The following PCDH7 variants were observed in gnomAD, a reference collection of about 807,000 sequenced individuals.
PCDH7 encodes the protein protocadherin 7.
A neutral mutation model predicts 58.9 loss-of-function variants in PCDH7; 17 were observed. The observed-to-expected ratio is 0.29, with a 90% CI of 0.20 to 0.43. The LOEUF (loss-of-function observed/expected upper bound fraction) is 0.43. Among genes scored for constraint, PCDH7 ranks in the 20% least tolerant of loss-of-function variants. The pLI, the probability that PCDH7 is intolerant of heterozygous loss-of-function variation, is 1.00. For synonymous variants in PCDH7, 664 were observed against 616.4 expected, an observed-to-expected ratio of 1.08 and a Z score of -1.14; for missense variants, 1,274 against 1,441.0, an observed-to-expected ratio of 0.88 and a Z score of 1.88.
At chr4:30,766,928 A>C (rs1284673697) in intron 1 of PCDH7, among the ~76,000 whole-genome samples, 3 of 152,202 alleles carry the variant, frequency 2.0e-5, no homozygotes, top group Non-Finnish European at 2.9e-5. Flanking sequence ...CCATCAAAAA[A>C]TTTTAAAAGA....
chr4:30,841,159 A>G (rs1351054997), intron 1 of PCDH7, among the ~76,000 whole-genome samples: 1 of 152,146 alleles, frequency 6.6e-6, no homozygotes, highest in African/African-American at 2.4e-5. Context: ...AATTGAAGAA[A>G]GAAACCTTCA....
chr4:31,138,352 G>A (rs983982230), intron 3 of PCDH7, among the ~76,000 whole-genome samples: 5 of 152,102 alleles, frequency 3.3e-5, no homozygotes, highest in Non-Finnish European at 7.4e-5. Flanking sequence ...TTTTCACTAA[G>A]TAGTAAAATT....
intron 1 of PCDH7, among the ~76,000 whole-genome samples, chr4:30,837,359 A>G (rs1730614753): frequency 6.6e-6 from 1 of 152,092 alleles, no homozygotes; most frequent in Non-Finnish European, 1.5e-5. Context: ...CAGAGAGAGA[A>G]TGATTAATGT....
At chr4:30,968,298 C>A (rs371285690) in intron 3 of PCDH7, among the ~76,000 whole-genome samples, 36,548 of 74,750 alleles carry the variant, frequency 0.49, 8,484 homozygotes, top group African/African-American at 0.65. Context: ...CTCTCTCTCT[C>A]TCTCTATATA....
rs557172175 is a variant in PCDH7 at position 31,081,933 on chromosome 4, C to T, written c.*8-60540C>T. Among the ~76,000 whole-genome samples, 118 of 152,082 alleles carry T rather than the reference C, an allele frequency of 7.8e-4. 1 individual carries two copies. Among genetic ancestry groups the T allele is most frequent in the African/African-American group, 1.6e-3 (67 of 41,490 alleles). ...GATTACAGGCCCACGCCACCAAGGC[C>T]AGCTAATTTTTGTAATTTTAGTAGA... is the stretch of plus-strand genomic sequence containing the variant. On this transcript the variant is annotated intron_variant, in intron 3 of 3. Transcript: ENST00000509759.
intron 3 of PCDH7, among the ~76,000 whole-genome samples, chr4:30,972,710 G>A (rs574148655): frequency 9.9e-5 from 15 of 151,984 alleles, no homozygotes; most frequent in African/African-American, 2.2e-4. Context: ...CACCCACATC[G>A]CCCACACCCT....
Position 30,896,889 on chromosome 4 carries a change from CTTTTTTTTTTTTTTTTTT to C in PCDH7, c.71-23248_71-23231del, listed in dbSNP as rs71190474. Among the ~76,000 whole-genome samples, 4 of 27,346 alleles carry C rather than the reference CTTTTTTTTTTTTTTTTTT, an allele frequency of 1.5e-4. No homozygotes were observed. In the South Asian group the frequency reaches 7.2e-3, roughly 49 times the overall value. The allele number at this position is 27,346 out of a possible 152,430, so 17.9% of individuals were successfully genotyped here. A position where few individuals can be genotyped will look rare whatever the true frequency, so the allele number is the denominator to read the frequency against. On this transcript the variant is annotated intron_variant, in intron 1 of 3. Transcript: ENST00000509759. Reference sequence around the variant, plus strand: ...GTCTTGTGCCCCTCCTAGTTCTTTGCTTTTTTTTTTTTTTTTTTTTTTTTTTTTTTTTTGAGGTGGAGT... The same window carrying C: ...GTCTTGTGCCCCTCCTAGTTCTTTGCTTTTTTTTTTTTTTTGAGGTGGAGT...
Position 30,894,516 on chromosome 4 carries a change from T to TATAC in PCDH7, c.71-25636_71-25635insTACA, listed in dbSNP as rs1400204196. Among the ~76,000 whole-genome samples, 229 of 32,128 alleles carry TATAC rather than the reference T, an allele frequency of 7.1e-3. 1 individual carries two copies. The highest frequency in any genetic ancestry group is 0.027 in the East Asian group (24 of 886). The allele number at this position is 32,128 out of a possible 152,430, so 21.1% of individuals were successfully genotyped here. A position where few individuals can be genotyped will look rare whatever the true frequency, so the allele number is the denominator to read the frequency against. On this transcript the variant is annotated intron_variant, in intron 1 of 3. Transcript: ENST00000509759. ...ATATATATATATATATATATATATA[T>TATAC]ACACACACACACACACACACACACA...
intron 1 of PCDH7, among the ~76,000 whole-genome samples, chr4:30,753,989 A>T (rs1042345555): frequency 9.2e-5 from 14 of 152,212 alleles, no homozygotes; most frequent in African/African-American, 3.4e-4. Context: ...AAACTACCAG[A>T]CATAACAGCA....
rs1717852448 is a variant in PCDH7 at position 30,746,918 on chromosome 4, G to T, written c.70+22322G>T. ...TTGCACTGGCCTATCCCCATGTGAG[G>T]ATTTCGAAATATAGGTCATTTGTGT... On this transcript the variant is annotated intron_variant, in intron 1 of 3. Coordinates refer to the PCDH7 transcript ENST00000509759. Among the ~76,000 whole-genome samples the T allele has an allele frequency of 2.0e-5, 3 of 152,104 alleles. 1 individual carries two copies. In the South Asian group the frequency reaches 6.2e-4, roughly 31 times the overall value.
rs182335177 is a variant in PCDH7, at chr4:31,035,119, T to C, written c.*7+84904T>C. On this transcript the variant is annotated intron_variant, in intron 3 of 3. Coordinates refer to the PCDH7 transcript ENST00000509759. ...TGATCGATGAGGTTCTTTAGGAATC[T>C]GTGCTCTCATGGGAGAAACATGGAG... Among the ~76,000 whole-genome samples, 999 of 152,358 alleles carry C rather than the reference T, an allele frequency of 6.6e-3. 8 individuals carry two copies. The highest frequency in any genetic ancestry group is 0.014 in the Middle Eastern group (4 of 294).
chr4:30,854,332 T>C (rs1373429635), intron 1 of PCDH7, among the ~76,000 whole-genome samples: 6 of 149,122 alleles, frequency 4.0e-5, no homozygotes, highest in African/African-American at 1.2e-4. Flanking sequence ...TCTTCCATCA[T>C]TGACAGCTAT....
intron 1 of PCDH7, among the ~76,000 whole-genome samples, chr4:30,802,179 G>A (rs1470579589): frequency 6.6e-6 from 1 of 152,178 alleles, no homozygotes; most frequent in African/African-American, 2.4e-5. Context: ...AGGTTAGTAA[G>A]TGAATGAATT....
intron 2 of PCDH7, among the ~76,000 whole-genome samples, chr4:30,946,727 T>TGTGTGTGTGTGTGTGTGTGTGTGA (rs1048658000): frequency 6.7e-6 from 1 of 149,986 alleles, no homozygotes; most frequent in African/African-American, 2.5e-5. Context: ...TGTGTGTGTG[T>TGTGTGTGTGTGTGTGTGTGTGTGA]GACAGAGTCC....
At chr4:30,855,784 C>A (rs896699958) in intron 1 of PCDH7, among the ~76,000 whole-genome samples, 5 of 152,086 alleles carry the variant, frequency 3.3e-5, no homozygotes, top group African/African-American at 1.2e-4. Flanking sequence ...ATTTATTATA[C>A]ACGTATTCAC....
At chr4:30,988,568 A>G (rs560761623) in intron 3 of PCDH7, among the ~76,000 whole-genome samples, 3 of 152,170 alleles carry the variant, frequency 2.0e-5, no homozygotes, top group Admixed American at 6.5e-5. Flanking sequence ...TTCAATTTCT[A>G]TATTTGTGAA....
rs376643176 is a variant in PCDH7, at chr4:31,056,458, G to GAAAGAAAGA, written c.*8-86013_*8-86012insAGAAAGAAA. 8.4e-5 allele frequency among the ~76,000 whole-genome samples: 7 copies of GAAAGAAAGA among 83,226 alleles called. No individual in the cohort carries two copies. In the East Asian group the frequency reaches 1.5e-3, roughly 17 times the overall value. 54.6% of individuals were successfully genotyped at this position (83,226 alleles called of 152,430 possible). The stretch of plus-strand genomic sequence containing the variant: ...AGAAAGAAGGAAAGAAAGAAAGAAA[G>GAAAGAAAGA]AAGAAAGAAAGAAAGAAAGAAAGAA... On this transcript the variant is annotated intron_variant, in intron 3 of 3. Coordinates refer to the PCDH7 transcript ENST00000509759.
chr4:30,883,855 TC>T (rs1184214872), intron 1 of PCDH7, among the ~76,000 whole-genome samples: 2 of 152,202 alleles, frequency 1.3e-5, no homozygotes, highest in African/African-American at 4.8e-5. Flanking sequence ...TCAACATGAC[TC>T]AGTTTTTCTG....
chr4:30,733,840 G>A (rs995992786), downstream of PCDH7, among the ~76,000 whole-genome samples: 1 of 152,162 alleles, frequency 6.6e-6, no homozygotes, highest in Non-Finnish European at 1.5e-5. Flanking sequence ...GTTTTGAAAT[G>A]TATGTTTTGG....
Sources: allele counts gnomAD v4.1 joint callset (sites outside exome capture counted in the v4.1 genomes callset), GRCh38; gene constraint gnomAD v4.1.1; transcripts MANE v1.5; gene names NCBI Gene and HGNC (gene_info 2026-07-23, HGNC 2026-07-21).